The following KCNH1 variants were observed in gnomAD, a reference collection of about 807,000 sequenced individuals.
KCNH1 encodes potassium voltage-gated channel subfamily H member 1, also known as voltage-gated delayed rectifier potassium channel KCNH1.
In KCNH1, 27 loss-of-function variants were observed where a neutral mutation model predicts 69.2. The observed-to-expected ratio is 0.39, with a 90% confidence interval of 0.29 to 0.54. The LOEUF is 0.54. Ranked by LOEUF, KCNH1 falls within the 20% of genes least tolerant of loss-of-function variation. The pLI is 0.68. For synonymous variants in KCNH1, 456 were observed against 487.7 expected, an observed-to-expected ratio of 0.93 and a Z score of 0.86; for missense variants, 798 against 1,261.6, an observed-to-expected ratio of 0.63 and a Z score of 5.57.
chr1:210,792,787 G>A (rs1484599568), intron 9 of KCNH1, among the ~76,000 whole-genome samples: 1 of 151,922 alleles, frequency 6.6e-6, no homozygotes, highest in Non-Finnish European at 1.5e-5. Flanking sequence ...TTACTAAGGG[G>A]ACACTAAATC....
chr1:210,869,433 C>T (rs764836024), intron 7 of KCNH1, among the ~76,000 whole-genome samples: 6 of 151,256 alleles, frequency 4.0e-5, no homozygotes, highest in Non-Finnish European at 7.4e-5. Context: ...TCTATTTTCT[C>T]TGTCATTTTA....
chr1:211,057,027 C>G (rs774520575), intron 5 of KCNH1, among the ~76,000 whole-genome samples: 3 of 152,192 alleles, frequency 2.0e-5, no homozygotes, highest in East Asian at 1.9e-4. Context: ...CCCAAACAAA[C>G]TAAGTAAGGC....
intron 5 of KCNH1, among the ~76,000 whole-genome samples, chr1:211,060,593 A>C (rs967961937): frequency 6.6e-6 from 1 of 151,870 alleles, no homozygotes; most frequent in Non-Finnish European, 1.5e-5. Context: ...ACTAAAAAAA[A>C]AGAAAGAAGA....
chr1:210,721,307 G>A (rs951712815), intron 10 of KCNH1, among the ~76,000 whole-genome samples: 11 of 152,136 alleles, frequency 7.2e-5, no homozygotes, highest in Admixed American at 7.2e-4. Flanking sequence ...CCACCTACGA[G>A]GAGCTAGCCT....
chr1:211,051,936 C>G (rs1690213490), intron 5 of KCNH1, among the ~76,000 whole-genome samples: 2 of 151,880 alleles, frequency 1.3e-5, no homozygotes, highest in Non-Finnish European at 2.9e-5. Context: ...AAATCTCTCT[C>G]TTTGCACTAC....
chr1:210,755,632 C>G (rs1683382151), intron 10 of KCNH1, among the ~76,000 whole-genome samples: 1 of 152,236 alleles, frequency 6.6e-6, no homozygotes, highest in Non-Finnish European at 1.5e-5. Context: ...AGAAGTTTGT[C>G]TATACAGAGC....
At chr1:210,869,484 C>CAT (rs3220084) in intron 7 of KCNH1, among the ~76,000 whole-genome samples, 2 of 136,930 alleles carry the variant, frequency 1.5e-5, no homozygotes, top group South Asian at 2.5e-4. Flanking sequence ...AGTTATAAGT[C>CAT]GTGTGTGTGT....
At chr1:210,741,933 G>A (rs558560844) in intron 10 of KCNH1, among the ~76,000 whole-genome samples, 43 of 152,262 alleles carry the variant, frequency 2.8e-4, no homozygotes, top group African/African-American at 8.7e-4. Context: ...AGCATGGATG[G>A]GATTCCTGGC....
chr1:211,100,610 C>A (rs548371634), intron 3 of KCNH1, among the ~76,000 whole-genome samples: 1 of 152,354 alleles, frequency 6.6e-6, no homozygotes, highest in East Asian at 1.9e-4. Context: ...CTCGGCCTCC[C>A]AAAGTGCCGG....
At chr1:210,753,574 G>A (rs555194342) in intron 10 of KCNH1, among the ~76,000 whole-genome samples, 46 of 152,282 alleles carry the variant, frequency 3.0e-4, no homozygotes, top group African/African-American at 1.1e-3. Flanking sequence ...TTCAATGGAG[G>A]TGCACCTATT....
At chr1:211,084,429 G>A (rs1057333624) in intron 4 of KCNH1, among the ~76,000 whole-genome samples, 1 of 152,188 alleles carries the variant, frequency 6.6e-6, no homozygotes, top group Non-Finnish European at 1.5e-5. Flanking sequence ...GAACAGTGAC[G>A]AGAGGGAGCT....
intron 7 of KCNH1, among the ~76,000 whole-genome samples, chr1:210,870,994 G>T (rs188409091): frequency 1.8e-4 from 27 of 152,232 alleles, no homozygotes; most frequent in South Asian, 6.2e-4. Flanking sequence ...TTATGGAATA[G>T]GGAAAATATA....
chr1:210,969,206 G>A (rs1688467399), intron 6 of KCNH1, among the ~76,000 whole-genome samples: 1 of 151,890 alleles, frequency 6.6e-6, no homozygotes, highest in Non-Finnish European at 1.5e-5. Flanking sequence ...ATCCTCATGA[G>A]TGAGGTTAAC....
At chr1:210,823,360 G>A (rs1684968444) in intron 7 of KCNH1, among the ~76,000 whole-genome samples, 1 of 152,140 alleles carries the variant, frequency 6.6e-6, no homozygotes, top group African/African-American at 2.4e-5. Context: ...ACTGTAAGAA[G>A]ACCCAAGAGC....
At chr1:211,049,486 T>C (rs144274993) in intron 5 of KCNH1, among the ~76,000 whole-genome samples, 1 of 152,202 alleles carries the variant, frequency 6.6e-6, no homozygotes, top group East Asian at 1.9e-4. Context: ...GTTTTTTGGT[T>C]TGTTGTTGTT....
chr1:210,746,038 G>A (rs982251045), intron 10 of KCNH1, among the ~76,000 whole-genome samples: 16 of 152,178 alleles, frequency 1.1e-4, no homozygotes, highest in African/African-American at 3.9e-4. Flanking sequence ...GAGAGAGGCT[G>A]TGGTATGCCA....
chr1:210,790,840 A>G (rs763402165), intron 9 of KCNH1, among the ~76,000 whole-genome samples: 4 of 152,168 alleles, frequency 2.6e-5, no homozygotes, highest in Non-Finnish European at 4.4e-5. Context: ...CACCACCTTC[A>G]GTGGTTTCCA....
intron 6 of KCNH1, among the ~76,000 whole-genome samples, chr1:210,946,529 A>T (rs981265421): frequency 1.3e-5 from 2 of 152,176 alleles, no homozygotes; most frequent in Admixed American, 1.3e-4. Flanking sequence ...TGATGCAGAA[A>T]TGTACTGCAC....
In KCNH1 at chr1:210,730,152, G is replaced by A. The variant is rs888728351; in HGVS notation, c.2112+45196C>T. Among the ~76,000 whole-genome samples the A allele has an allele frequency of 2.0e-5, 3 of 152,196 alleles. No individual in the cohort carries two copies. In the South Asian group the frequency reaches 6.2e-4, roughly 32 times the overall value. On this transcript the variant is annotated intron_variant, in intron 10 of 10. Coordinates refer to ENST00000271751, the MANE Select transcript of KCNH1 (RefSeq NM_172362.3). ...AATAGTTTCCTCAGCAAAGTGCTAA[G>A]GACAGTGCCTGGCCCACAGTAAATG...
Sources: gnomAD v4.1 joint callset for allele counts (sites outside exome capture counted in the v4.1 genomes callset) on GRCh38, gnomAD v4.1.1 for gene constraint, MANE v1.5 for transcripts, NCBI Gene and HGNC (gene_info 2026-07-23, HGNC 2026-07-21) for gene names.